The following PDIA4 variants were observed in gnomAD, a reference collection of about 807,000 sequenced individuals.
PDIA4 encodes the protein protein disulfide isomerase family A member 4, also known as protein disulfide-isomerase A4.
PDIA4 carries 33 observed loss-of-function variants against 62.1 expected under a neutral mutation model. That is an observed-to-expected ratio of 0.53 (90% CI 0.40 to 0.71). The LOEUF (loss-of-function observed/expected upper bound fraction) is 0.71, where lower values mean the gene tolerates loss of function less well. Ranked by LOEUF, PDIA4 falls within the 30% of genes least tolerant of loss-of-function variation. PDIA4 has a pLI of 0.00. For synonymous variants in PDIA4, 341 were observed against 324.1 expected (o/e 1.05, Z -0.56); for missense variants, 804 against 813.6 (o/e 0.99, Z 0.14).
chr7:149,012,815 A>C, intron 4 of PDIA4, among the ~76,000 whole-genome samples: 1 of 152,140 alleles, frequency 6.6e-6, no homozygotes, highest in East Asian at 1.9e-4. Flanking sequence ...TGGGGCGAAG[A>C]GAGGGTCGGC....
At chr7:149,025,824 G>A (rs1824531719) in intron 1 of PDIA4, among the ~76,000 whole-genome samples, 1 of 152,142 alleles carries the variant, frequency 6.6e-6, no homozygotes, top group Non-Finnish European at 1.5e-5. Context: ...ACGAAAAATA[G>A]GTGAATTTCT....
rs898939412 is a variant in PDIA4, at chr7:149,006,331, G to A, written c.1132-278C>T. On this transcript the variant is annotated intron_variant, in intron 7 of 9. Transcript: ENST00000652332. ...TGTAGGCTCACTAACCCCACAAAGA[G>A]ACCACTCAAGGTAGGCCTGGCTCTT... 1.1e-5 allele frequency: 4 copies of A among 367,654 alleles called. No homozygotes were observed. In the South Asian group the frequency reaches 1.5e-4, roughly 13 times the overall value. 22.8% of individuals were successfully genotyped at this position (367,654 alleles called of 1,614,324 possible).
chr7:149,004,154 G>A lies in PDIA4; in HGVS notation c.1578C>T (p.Pro526=), dbSNP rs561428473. The change falls in exon 10 of 10, where the codon CCC becomes CCT. Residue 526 remains proline (P), a synonymous_variant. Transcript: ENST00000652332. ...SQPVPKNNKG[P]VKVVVGKTFD... is the part of the protein sequence containing the mutation. The stretch of plus-strand genomic sequence containing the variant: ...AGGTCTTTCCCACCACGACCTTGAC[G>A]GGTCCCTTGTTGTTCTTGGGCACTG... The A allele has an allele frequency of 9.3e-6, 15 of 1,614,058 alleles. No homozygotes were observed. The highest frequency in any genetic ancestry group is 5.3e-5 in the African/African-American group (4 of 75,042).
At chr7:149,012,543 CA>C (rs1378915173) in intron 4 of PDIA4, among the ~76,000 whole-genome samples, 183 bp from the exon 5 acceptor site, 1 of 152,194 alleles carries the variant, frequency 6.6e-6, no homozygotes, top group Non-Finnish European at 1.5e-5. Context: ...TGGACAGACA[CA>C]AACTTCATCC....
rs370485629 is a variant in PDIA4 at position 149,005,954 on chromosome 7, T to C, written c.1231A>G (p.Arg411Gly). 2 of 1,532,264 alleles carry C rather than the reference T, an allele frequency of 1.3e-6. No homozygotes were observed. The highest frequency in any genetic ancestry group is 2.5e-5 in the Admixed American group (1 of 40,294). 94.9% of individuals were successfully genotyped at this position (1,532,264 alleles called of 1,614,324 possible). The stretch of plus-strand genomic sequence containing the variant: ...TAGTAGACGACCACCAGGGGGCGCC[T>C]GGTGTAGCGCTTAGCATCGTTTGAC... ...KVSNDAKRYT[R>G]RPLVVVYYSV... The change falls in exon 8 of 10, where the codon AGG becomes GGG. Residue 411 changes from arginine (R) to glycine (G), a missense_variant. Physicochemically the swap from Arg to Gly is moderately radical, Grantham distance 125 (BLOSUM62 -2). Transcript: ENST00000652332.
chr7:149,027,091 A>G, intron 1 of PDIA4, among the ~76,000 whole-genome samples: 1 of 152,208 alleles, frequency 6.6e-6, no homozygotes, highest in East Asian at 1.9e-4. Flanking sequence ...CTGGTCCTCA[A>G]CTTTCACTGT....
At chr7:149,027,877 C>G (rs1371174871) in intron 1 of PDIA4, 5 of 476,792 alleles carry the variant, frequency 1.0e-5, no homozygotes, top group East Asian at 6.8e-5. Flanking sequence ...GCTTGCTGTT[C>G]CAAAGAACTC....
chr7:149,018,581 G>A (rs1035088325), intron 3 of PDIA4, among the ~76,000 whole-genome samples: 3 of 152,126 alleles, frequency 2.0e-5, no homozygotes, highest in Admixed American at 2.0e-4. Flanking sequence ...ACACTCATGA[G>A]CCACTACACC....
intron 1 of PDIA4, among the ~76,000 whole-genome samples, chr7:149,021,761 C>A (rs1013597469): frequency 1.3e-5 from 2 of 152,138 alleles, no homozygotes; most frequent in Non-Finnish European, 2.9e-5. Context: ...AGAGTCGCGG[C>A]CCCCTGCCTT....
chr7:149,017,370 G>T (rs1824173228), intron 3 of PDIA4, among the ~76,000 whole-genome samples: 1 of 152,184 alleles, frequency 6.6e-6, no homozygotes, highest in Non-Finnish European at 1.5e-5. Context: ...GATCACCTGA[G>T]GTTGGGAGTT....
At chr7:149,017,336 C>T (rs190187755) in intron 3 of PDIA4, among the ~76,000 whole-genome samples, 65 of 152,250 alleles carry the variant, frequency 4.3e-4, no homozygotes, top group African/African-American at 1.5e-3. Flanking sequence ...ATAATTCCAG[C>T]ACTTTGGGAG....
chr7:149,012,071 C>T, intron 5 of PDIA4, 67 bp from the exon 6 acceptor site: 1 of 1,605,418 alleles, frequency 6.2e-7, no homozygotes, highest in East Asian at 2.2e-5. Flanking sequence ...CCCATGCCTG[C>T]CAGCCCCCAG....
At chr7:149,025,070 CAA>C (rs1184341612) in intron 1 of PDIA4, among the ~76,000 whole-genome samples, 3,452 of 70,216 alleles carry the variant, frequency 0.049, 75 homozygotes, top group South Asian at 0.13. Context: ...AACTCCATCT[CAA>C]AAAAAAAAAA....
At chr7:149,017,820 T>A (rs994348896) in intron 3 of PDIA4, among the ~76,000 whole-genome samples, 1 of 152,250 alleles carries the variant, frequency 6.6e-6, no homozygotes, top group African/African-American at 2.4e-5. Flanking sequence ...TCAGGCCAGA[T>A]TGCAGACATC....
In PDIA4 at chr7:149,003,600, T is replaced by G; in HGVS notation, c.*194A>C. Reference sequence around the variant, plus strand: ...AATAGATGTATCCTCTGTAAAAATCTGGACTAAACTATTCAGTCATTCATG... The same window carrying G: ...AATAGATGTATCCTCTGTAAAAATCGGGACTAAACTATTCAGTCATTCATG... On this transcript the variant is annotated 3_prime_UTR_variant, in exon 10 of 10. Coordinates refer to ENST00000652332, the MANE Select transcript of PDIA4 (RefSeq NM_004911.5). 2.4e-6 allele frequency: 1 copy of G among 415,004 alleles called. No individual in the cohort carries two copies. The highest frequency in any genetic ancestry group is 3.6e-5 in the East Asian group (1 of 28,136). 25.7% of individuals were successfully genotyped at this position (415,004 alleles called of 1,614,324 possible).
At chr7:149,012,412 T>G (rs1473368303) in intron 4 of PDIA4, 52 bp from the exon 5 acceptor site, 4 of 1,497,940 alleles carry the variant, frequency 2.7e-6, no homozygotes, top group Non-Finnish European at 3.7e-6. Context: ...TGGACTCACT[T>G]TCTAGCTAAA....
At position 149,003,524 on chromosome 7, in the gene PDIA4, A is replaced by T; in HGVS notation, c.*270T>A. 1 of 334,432 alleles carries T rather than the reference A, an allele frequency of 3.0e-6. No individual in the cohort carries two copies. The highest frequency in any genetic ancestry group is 4.8e-5 in the Admixed American group (1 of 20,862). The allele number at this position is 334,432 out of a possible 1,614,324, so 20.7% of individuals were successfully genotyped here. A position where few individuals can be genotyped will look rare whatever the true frequency, so the allele number is the denominator to read the frequency against. On this transcript the variant is annotated 3_prime_UTR_variant, in exon 10 of 10. Transcript: ENST00000652332. ...AAGAATTATCTGCTTTGAGAAATAA[A>T]GAAATTAGAAGGTGTAAAAAAAAAT...
chr7:149,028,296 GAC>G, intron 1 of PDIA4, 23 bp downstream of exon 1: 1 of 1,499,570 alleles, frequency 6.7e-7, no homozygotes, highest in Admixed American at 2.0e-5. Flanking sequence ...AGCACAGCCC[GAC>G]CCGCGGCGCG....
Position 149,021,121 on chromosome 7 carries a change from C to T in PDIA4, c.115G>A (p.Glu39Lys). ...TCCTCCTCCTCCTCCTCTTCATCCT[C>T]AATGGCATTTTCTCTGTTAGAAGAA... ...EDSSNRENAI[E>K]DEEEEEEEDD... Residue 39 changes from glutamate (E) to lysine (K), a missense_variant, in exon 2 of 10, where the codon GAG (glutamate) becomes AAG (lysine). Physicochemically the swap from Glu to Lys is moderately conservative, Grantham distance 56. Transcript: ENST00000652332. The T allele has an allele frequency of 6.2e-7, 1 of 1,602,270 alleles. No homozygotes were observed.
Sources: allele counts gnomAD v4.1 joint callset (sites outside exome capture counted in the v4.1 genomes callset), GRCh38; gene constraint gnomAD v4.1.1; transcripts MANE v1.5; gene names NCBI Gene and HGNC (gene_info 2026-07-23, HGNC 2026-07-21).